SPTB: variants seen among roughly 807,000 people sequenced by gnomAD.
The protein encoded by SPTB is spectrin beta, erythrocytic.
Under a neutral mutation model 256.2 loss-of-function variants are expected in SPTB, and 45 were observed. The observed-to-expected ratio is 0.18, with a 90% CI of 0.14 to 0.23. SPTB has a LOEUF of 0.23. SPTB is among the 10% of genes least tolerant of loss of function. SPTB has a pLI of 1.00. For missense variants in SPTB, 2,715 were observed against 3,040.4 expected (o/e 0.89, Z 2.52); for synonymous variants, 1,231 against 1,243.1 (o/e 0.99, Z 0.21).
rs2082572668 is a variant in SPTB, at chr14:64,786,525, T to G, written c.3440A>C (p.Asp1147Ala). Residue 1147 changes from aspartate (D) to alanine (A), a missense_variant, in exon 16 of 36, where the codon GAT becomes GCT. Physicochemically the swap from Asp to Ala is moderately radical, Grantham distance 126 (BLOSUM62 -2). This residue lies in a region of SPTB where 2,239 missense variants were observed against 2,384.4 expected (regional missense o/e 0.94). Coordinates refer to ENST00000644917, the MANE Select transcript of SPTB (RefSeq NM_001355436.2). This position sits in a 1 kb window ranked among gnomAD's most constrained non-coding sequence, Gnocchi z 5.6. The part of the protein sequence containing the change: ...LLLGQRLEGL[D>A]TGWNALGRMW... ...CCTGCCCAGGGCATTCCAGCCAGTATCCAGGCCCTCCAGCCGCTGGCCCAG... is the reference window on the plus strand; with the variant it reads ...CCTGCCCAGGGCATTCCAGCCAGTAGCCAGGCCCTCCAGCCGCTGGCCCAG... The G allele has an allele frequency of 6.2e-7, 1 of 1,614,022 alleles. No individual in the cohort carries two copies. Among genetic ancestry groups the G allele is most frequent in the African/African-American group, 1.3e-5 (1 of 74,922 alleles).
At position 64,751,110 on chromosome 14, in the gene SPTB, TATATA is replaced by T. The variant is rs201817523; in HGVS notation, c.6603-961_6603-957del. 3.0e-4 allele frequency among the ~76,000 whole-genome samples: 44 copies of T among 146,522 alleles called. No homozygotes were observed. In the East Asian group the frequency reaches 5.9e-3, roughly 19 times the overall value. On this transcript the variant is annotated intron_variant, in intron 33 of 35. Coordinates refer to ENST00000644917, the MANE Select transcript of SPTB (RefSeq NM_001355436.2). The stretch of plus-strand genomic sequence containing the variant: ...TATATATTATACATAATATATATAA[TATATA>T]ATATTTATATATAATATACATATTT...
Position 64,749,956 on chromosome 14 carries a change from C to A in SPTB, c.6776+25G>T, listed in dbSNP as rs746047940. ...TGCCAAATCAAGCCATCAACCCGAG[C>A]TTTCAAAGGCCAGGAAGGCCTCACC... On this transcript the variant is annotated intron_variant, in intron 34 of 35. Coordinates refer to ENST00000644917, the MANE Select transcript of SPTB (RefSeq NM_001355436.2). The surrounding 1 kb of genome is among the most constrained non-coding windows in gnomAD (Gnocchi z 4.7). The A allele has an allele frequency of 1.2e-6, 2 of 1,614,080 alleles. No individual in the cohort carries two copies. The highest frequency in any genetic ancestry group is 2.7e-5 in the African/African-American group (2 of 74,940).
intron 20 of SPTB, among the ~76,000 whole-genome samples, chr14:64,781,289 C>A (rs1288079947): frequency 2.6e-5 from 4 of 152,112 alleles, no homozygotes; most frequent in African/African-American, 9.7e-5. Flanking sequence ...AAACAGACAG[C>A]CTGCAAAATG....
chr14:64,802,356 G>A lies in SPTB; in HGVS notation c.475-39C>T. 1.3e-6 allele frequency: 2 copies of A among 1,597,754 alleles called. No individual in the cohort carries two copies. The highest frequency in any genetic ancestry group is 1.7e-6 in the Non-Finnish European group (2 of 1,166,770). ...AACAAGAGAGATTTGAAGAGGATGT[G>A]CATCTGGATCTGTGCTTTCCTGCCG... On this transcript the variant is annotated intron_variant, in intron 4 of 35. Transcript: ENST00000644917. This position sits in a 1 kb window ranked among gnomAD's most constrained non-coding sequence, Gnocchi z 5.1.
At chr14:64,821,377 A>T (rs926913346) in intron 2 of SPTB, among the ~76,000 whole-genome samples, 11 of 152,222 alleles carry the variant, frequency 7.2e-5, no homozygotes, top group Admixed American at 2.0e-4. Flanking sequence ...GTAGGAGTAC[A>T]ACAAGCAACT....
At chr14:64,871,017 A>T (rs1566813118) in intron 1 of SPTB, among the ~76,000 whole-genome samples, 1 of 152,230 alleles carries the variant, frequency 6.6e-6, no homozygotes, top group Non-Finnish European at 1.5e-5. Context: ...GCTGCACAGC[A>T]ATGTGAATGT....
At chr14:64,858,853 T>G (rs936591604) in intron 1 of SPTB, among the ~76,000 whole-genome samples, 6 of 152,184 alleles carry the variant, frequency 3.9e-5, no homozygotes, top group South Asian at 4.1e-4. Flanking sequence ...ACCAGCTGCC[T>G]TAGCTTAAAC....
In SPTB at chr14:64,802,405, TC is replaced by T; in HGVS notation, c.475-89del. On this transcript the variant is annotated intron_variant, in intron 4 of 35. Coordinates refer to ENST00000644917, the MANE Select transcript of SPTB (RefSeq NM_001355436.2). The surrounding 1 kb of genome is among the most constrained non-coding windows in gnomAD (Gnocchi z 5.1). ...CGTCCCTGGGAGGCTCCCTCCCTCA[TC>T]CCCCCTTCACTTAACACTAATTCAT... 8.1e-7 allele frequency: 1 copy of T among 1,240,902 alleles called. No individual in the cohort carries two copies. The allele number at this position is 1,240,902 out of a possible 1,614,324, so 76.9% of individuals were successfully genotyped here.
chr14:64,872,749 G>A (rs1397290161), intron 1 of SPTB, among the ~76,000 whole-genome samples: 2 of 152,164 alleles, frequency 1.3e-5, no homozygotes, highest in Admixed American at 6.5e-5. Flanking sequence ...GGAGGGACCC[G>A]GTGGGAGGTA....
rs1040736243 is a variant in SPTB, at chr14:64,825,571, G to A, written c.-51-2426C>T. The stretch of plus-strand genomic sequence containing the variant: ...TGCAGGGCCACAAGCCTGTCCAGCA[G>A]CCCCTGAGAAGGGCTGAGCTGCCAG... On this transcript the variant is annotated intron_variant, in intron 1 of 35. Coordinates refer to ENST00000644917, the MANE Select transcript of SPTB (RefSeq NM_001355436.2). This position sits in a 1 kb window ranked among gnomAD's most constrained non-coding sequence, Gnocchi z 4.8. 6.6e-6 allele frequency among the ~76,000 whole-genome samples: 1 copy of A among 152,198 alleles called. No homozygotes were observed. The highest frequency in any genetic ancestry group is 1.5e-5 in the Non-Finnish European group (1 of 68,040).
At chr14:64,783,611 T>C (rs2082511946) in intron 19 of SPTB, among the ~76,000 whole-genome samples, 1 of 152,204 alleles carries the variant, frequency 6.6e-6, no homozygotes, top group African/African-American at 2.4e-5. Context: ...GTCCTATTAT[T>C]ACTCTCATTT....
At chr14:64,768,608 T>A (rs2082227880) in intron 29 of SPTB, among the ~76,000 whole-genome samples, 1 of 151,976 alleles carries the variant, frequency 6.6e-6, no homozygotes, top group African/African-American at 2.4e-5. Context: ...ACATTCCTCA[T>A]GAGGAATGTC....
rs543215760 is a variant in SPTB, at chr14:64,753,873, C to G, written c.6346-80G>C. Reference sequence around the variant, plus strand: ...GCTGTTCTCAGCAAAATTGGGAGGTCAGCAGCCACCCTCTCCACACCCCCA... The same window carrying G: ...GCTGTTCTCAGCAAAATTGGGAGGTGAGCAGCCACCCTCTCCACACCCCCA... On this transcript the variant is annotated intron_variant, in intron 32 of 35. Coordinates refer to ENST00000644917, the MANE Select transcript of SPTB (RefSeq NM_001355436.2). 1.0e-5 allele frequency: 16 copies of G among 1,573,180 alleles called. No homozygotes were observed. In the African/African-American group the frequency reaches 1.9e-4, roughly 18 times the overall value.
intron 1 of SPTB, among the ~76,000 whole-genome samples, chr14:64,829,856 TC>T (rs2083426397): frequency 6.6e-6 from 1 of 152,158 alleles, no homozygotes; most frequent in Non-Finnish European, 1.5e-5. Context: ...CAAGATCATC[TC>T]CCCACACCCC....
intron 32 of SPTB, chr14:64,754,450 C>T (rs888184440): frequency 6.3e-6 from 1 of 159,656 alleles, no homozygotes; most frequent in Non-Finnish European, 1.4e-5. Context: ...CCCTGGCTGC[C>T]TTCCGCAATC....
chr14:64,818,969 C>A (rs1289116070), intron 2 of SPTB, among the ~76,000 whole-genome samples: 1 of 152,182 alleles, frequency 6.6e-6, no homozygotes, highest in Admixed American at 6.5e-5. Flanking sequence ...CTCAGGGCTA[C>A]CTGCTACTTA....
intron 25 of SPTB, 68 bp downstream of exon 25, chr14:64,773,152 T>C: frequency 6.3e-7 from 1 of 1,598,958 alleles, no homozygotes; most frequent in Non-Finnish European, 8.6e-7. Flanking sequence ...CTGTGTGTCT[T>C]GAGTGACGGC....
chr14:64,805,327 A>G (rs2082963956), intron 2 of SPTB, among the ~76,000 whole-genome samples: 1 of 152,166 alleles, frequency 6.6e-6, no homozygotes. Flanking sequence ...TATTCTATGC[A>G]CAGTATCAGG....
At chr14:64,805,315 C>A (rs2082963644) in intron 2 of SPTB, among the ~76,000 whole-genome samples, 1 of 152,148 alleles carries the variant, frequency 6.6e-6, no homozygotes, top group Admixed American at 6.5e-5. Context: ...GCACTGCCAC[C>A]ATATTCTATG....
Sources: gnomAD v4.1 joint callset for allele counts (sites outside exome capture counted in the v4.1 genomes callset) on GRCh38, gnomAD v4.1.1 for gene constraint, gnomAD v4.1.1 regional missense constraint, Gnocchi (gnomAD v3.1) non-coding constraint, MANE v1.5 for transcripts, NCBI Gene and HGNC (gene_info 2026-07-23, HGNC 2026-07-21) for gene names.